Variants in PLCB4 observed in about 807,000 individuals in gnomAD.
The protein encoded by PLCB4 is 1-phosphatidylinositol 4,5-bisphosphate phosphodiesterase beta-4.
In PLCB4, 77 loss-of-function variants were observed where a neutral mutation model predicts 178.8. The observed-to-expected ratio is 0.43, with a 90% CI of 0.36 to 0.52. The LOEUF (loss-of-function observed/expected upper bound fraction) is 0.52, where lower values mean the gene tolerates loss of function less well. Among genes scored for constraint, PLCB4 ranks in the 20% least tolerant of loss-of-function variants. PLCB4 has a pLI of 0.00. For missense variants in PLCB4, 1,024 were observed against 1,453.4 expected, an observed-to-expected ratio of 0.70 and a Z score of 4.80; for synonymous variants, 496 against 490.8, an observed-to-expected ratio of 1.01 and a Z score of -0.14.
chr20:9,156,280 G>A lies in PLCB4; in HGVS notation c.-79+59938G>A, dbSNP rs1489445880. 3.3e-5 allele frequency among the ~76,000 whole-genome samples: 5 copies of A among 152,206 alleles called. No individual in the cohort carries two copies. The East Asian group carries it at 5.8e-4, about 18-fold the overall frequency. On this transcript the variant is annotated intron_variant, in intron 2 of 39. Coordinates refer to ENST00000378473, the MANE Select transcript of PLCB4 (RefSeq NM_001377142.1). ...TCTCTCAATGTATTCGAGAAGTCAC[G>A]TACAGGTCACATATGACCATTACTC... is the stretch of plus-strand genomic sequence containing the variant.
intron 2 of PLCB4, among the ~76,000 whole-genome samples, chr20:9,168,031 A>G (rs761050435): frequency 9.2e-5 from 14 of 152,224 alleles, no homozygotes; most frequent in Admixed American, 1.3e-4. Context: ...TTATAGCTGA[A>G]GCAGGGACAG....
intron 3 of PLCB4, among the ~76,000 whole-genome samples, chr20:9,301,538 C>G (rs2094703572): frequency 6.6e-6 from 1 of 152,072 alleles, no homozygotes; most frequent in Non-Finnish European, 1.5e-5. Flanking sequence ...GAAGACAAGA[C>G]AGCAGGTTTA....
intron 2 of PLCB4, among the ~76,000 whole-genome samples, chr20:9,131,599 G>C (rs533162605): frequency 6.6e-6 from 1 of 152,132 alleles, no homozygotes; most frequent in African/African-American, 2.4e-5. Context: ...CATATATGTA[G>C]TCACTGATTT....
chr20:9,246,644 G>C (rs1325423588), intron 3 of PLCB4, among the ~76,000 whole-genome samples: 1 of 151,492 alleles, frequency 6.6e-6, no homozygotes, highest in African/African-American at 2.4e-5. Context: ...CGTCTGCCTT[G>C]GTGTTTTGGA....
rs149146454 is a variant in PLCB4, at chr20:9,195,901, A to G, written c.-78-21489A>G. Among the ~76,000 whole-genome samples the G allele has an allele frequency of 1.2e-4, 18 of 152,314 alleles. No homozygotes were observed. In the East Asian group the frequency reaches 3.5e-3, roughly 29 times the overall value. ...TTCATCTTGCCTAACTGTGGGGGCA[A>G]AACCATGCCTGGGGAGGGGTGGACT... On this transcript the variant is annotated intron_variant, in intron 2 of 39. Coordinates refer to ENST00000378473, the MANE Select transcript of PLCB4 (RefSeq NM_001377142.1).
At chr20:9,362,842 C>A in intron 7 of PLCB4, 54 bp from the exon 8 acceptor site, 1 of 1,123,454 alleles carries the variant, frequency 8.9e-7, no homozygotes, top group South Asian at 1.3e-5. Flanking sequence ...AAAAACTGCT[C>A]TATTTGACTC....
chr20:9,411,024 TG>T lies in PLCB4; in HGVS notation c.2000-12del, dbSNP rs752914302. 1.5e-5 allele frequency: 24 copies of T among 1,601,618 alleles called. No individual in the cohort carries two copies. The African/African-American group carries it at 3.1e-4, about 21-fold the overall frequency. ...GGAAGACAAGATGCTAAATTATTTT[TG>T]TCTCTTGACAGATTTAGCGATGCAA... On this transcript the variant is annotated splice_polypyrimidine_tract_variant and intron_variant, in intron 24 of 39. Coordinates refer to ENST00000378473, the MANE Select transcript of PLCB4 (RefSeq NM_001377142.1).
chr20:9,444,335 A>C, intron 32 of PLCB4, 92 bp downstream of exon 32: 6 of 737,158 alleles, frequency 8.1e-6, no homozygotes, highest in Non-Finnish European at 1.4e-5. Flanking sequence ...CAGACCACTT[A>C]ACAGTAATAA....
intron 2 of PLCB4, among the ~76,000 whole-genome samples, chr20:9,201,490 A>G (rs564355312): frequency 2.6e-5 from 4 of 152,274 alleles, no homozygotes; most frequent in Non-Finnish European, 5.9e-5. Context: ...TTGTAGAGGG[A>G]ATATTTCTTC....
chr20:9,390,694 A>G, intron 17 of PLCB4, 79 bp downstream of exon 17: 1 of 691,760 alleles, frequency 1.4e-6, no homozygotes. Context: ...GTAGTACTAG[A>G]GGACTAATGC....
chr20:9,195,561 T>C (rs1341251821), intron 2 of PLCB4, among the ~76,000 whole-genome samples: 1 of 152,166 alleles, frequency 6.6e-6, no homozygotes, highest in Non-Finnish European at 1.5e-5. Flanking sequence ...AATTCTTCTC[T>C]TTCTGCTTGA....
At chr20:9,410,044 T>C (rs2148509186) in intron 24 of PLCB4, among the ~76,000 whole-genome samples, 1 of 152,364 alleles carries the variant, frequency 6.6e-6, no homozygotes, top group African/African-American at 2.4e-5. Context: ...TTGAGGATTT[T>C]TTAAAATCTA....
chr20:9,282,391 T>C (rs1208120122), intron 3 of PLCB4, among the ~76,000 whole-genome samples: 2 of 152,126 alleles, frequency 1.3e-5, no homozygotes, highest in East Asian at 3.9e-4. Flanking sequence ...AGAAAAGTGA[T>C]GTTACAGTTT....
At chr20:9,440,466 T>C (rs1237847947) in intron 30 of PLCB4, among the ~76,000 whole-genome samples, 2 of 152,216 alleles carry the variant, frequency 1.3e-5, no homozygotes, top group Non-Finnish European at 2.9e-5. Context: ...ATTCAACATA[T>C]GCTCTCTACT....
intron 35 of PLCB4, among the ~76,000 whole-genome samples, chr20:9,463,966 C>A (rs1331562445): frequency 1.3e-5 from 2 of 152,168 alleles, no homozygotes; most frequent in African/African-American, 2.4e-5. Flanking sequence ...CCCAAATCAA[C>A]AGAATATACA....
intron 4 of PLCB4, among the ~76,000 whole-genome samples, chr20:9,321,953 T>TTTTTC (rs1555789691): frequency 1.3e-5 from 1 of 76,662 alleles, no homozygotes; most frequent in Non-Finnish European, 2.8e-5. Flanking sequence ...TTTCTTTTTC[T>TTTTTC]TTTTTTTTTT....
intron 2 of PLCB4, among the ~76,000 whole-genome samples, chr20:9,182,084 C>T (rs1308102055): frequency 6.6e-6 from 1 of 152,194 alleles, no homozygotes; most frequent in East Asian, 1.9e-4. Context: ...TATAACCTGG[C>T]CCGTGGAAAA....
At chr20:9,220,784 A>G (rs1321985766) in intron 3 of PLCB4, among the ~76,000 whole-genome samples, 1 of 152,176 alleles carries the variant, frequency 6.6e-6, no homozygotes, top group Non-Finnish European at 1.5e-5. Flanking sequence ...TTGGAGACAT[A>G]GATATGTTGT....
chr20:9,084,194 C>A (rs533018046), intron 1 of PLCB4, among the ~76,000 whole-genome samples: 9 of 152,226 alleles, frequency 5.9e-5, no homozygotes, highest in African/African-American at 2.2e-4. Flanking sequence ...TAAATCATGT[C>A]TTTCTTTAGC....
Sources: allele counts gnomAD v4.1 joint callset (sites outside exome capture counted in the v4.1 genomes callset), GRCh38; gene constraint gnomAD v4.1.1; transcripts MANE v1.5; gene names NCBI Gene and HGNC (gene_info 2026-07-23, HGNC 2026-07-21).